The following CADPS variants were observed in gnomAD, a reference collection of about 807,000 sequenced individuals.
The protein encoded by CADPS is calcium dependent secretion activator, also known as calcium-dependent secretion activator 1.
CADPS carries 57 observed loss-of-function variants against 167.3 expected under a neutral mutation model. The ratio of observed to expected loss-of-function variants is 0.34; its 90% CI spans 0.28 to 0.42. The LOEUF is 0.42. CADPS is among the 20% of genes least tolerant of loss of function. CADPS has a pLI of 1.00. For missense variants in CADPS, 1,414 were observed against 1,738.1 expected (o/e 0.81, Z 3.32); for synonymous variants, 676 against 635.3 (o/e 1.06, Z -0.96).
chr3:62,622,574 CAA>C (rs1170041469), intron 6 of CADPS, among the ~76,000 whole-genome samples: 1 of 152,028 alleles, frequency 6.6e-6, no homozygotes, highest in Admixed American at 6.6e-5. Flanking sequence ...CGGAAGGGGC[CAA>C]AGACACATTA....
chr3:62,425,268 G>T (rs938217492), intron 28 of CADPS, among the ~76,000 whole-genome samples: 3 of 152,084 alleles, frequency 2.0e-5, no homozygotes, highest in African/African-American at 7.2e-5. Context: ...TTTGTTATGG[G>T]GGGGCTGTCT....
intron 26 of CADPS, among the ~76,000 whole-genome samples, chr3:62,448,927 CT>C (rs1194109870): frequency 6.6e-6 from 1 of 152,090 alleles, no homozygotes; most frequent in Non-Finnish European, 1.5e-5. Context: ...GGATATTGAA[CT>C]TTAAGAAGGA....
rs146631018 is a variant in CADPS, at chr3:62,609,959, C to T, written c.1326-17211G>A. On this transcript the variant is annotated intron_variant, in intron 6 of 29. Transcript: ENST00000383710. ...TAAAAATTAGCCGGGAGTGGTGGTC[C>T]GTGCCTATAGTCCCAACTACTTGGG... Among the ~76,000 whole-genome samples, 75 of 151,852 alleles carry T rather than the reference C, an allele frequency of 4.9e-4. No individual in the cohort carries two copies. The East Asian group carries it at 0.014, about 28-fold the overall frequency.
chr3:62,418,894 C>T (rs2050745681), intron 28 of CADPS, among the ~76,000 whole-genome samples: 1 of 151,974 alleles, frequency 6.6e-6, no homozygotes. Context: ...TGCGGAATGT[C>T]TAAGAAATTA....
chr3:62,594,230 C>T (rs2086771171), intron 6 of CADPS, among the ~76,000 whole-genome samples: 1 of 146,498 alleles, frequency 6.8e-6, no homozygotes, highest in Non-Finnish European at 1.5e-5. Context: ...GGCGGGATCT[C>T]GGCTCACTGC....
At chr3:62,583,562 C>T (rs890504896) in intron 8 of CADPS, among the ~76,000 whole-genome samples, 15 of 152,114 alleles carry the variant, frequency 9.9e-5, no homozygotes, top group Non-Finnish European at 1.5e-4. Flanking sequence ...CTTTTTCACA[C>T]CCCAGGCAGA....
intron 2 of CADPS, among the ~76,000 whole-genome samples, chr3:62,762,508 T>C (rs1360974823): frequency 1.3e-5 from 2 of 151,800 alleles, no homozygotes; most frequent in African/African-American, 2.4e-5. Flanking sequence ...AATACAAAAA[T>C]TAGTCTGGCA....
chr3:62,576,992 A>T (rs2082416620), intron 8 of CADPS, among the ~76,000 whole-genome samples: 1 of 151,890 alleles, frequency 6.6e-6, no homozygotes, highest in South Asian at 2.1e-4. Flanking sequence ...CATCTCTGTT[A>T]TTCACTGGGG....
Position 62,599,811 on chromosome 3 carries a change from AATATATT to A in CADPS, c.1326-7070_1326-7064del, listed in dbSNP as rs1344986045. Among the ~76,000 whole-genome samples the A allele has an allele frequency of 2.6e-3, 37 of 13,980 alleles. 1 individual carries two copies. Among genetic ancestry groups the A allele is most frequent in the African/African-American group, 9.0e-3 (36 of 4,022 alleles). The allele number at this position is 13,980 out of a possible 152,430, so 9.2% of individuals were successfully genotyped here. A position where few individuals can be genotyped will look rare whatever the true frequency, so the allele number is the denominator to read the frequency against. On this transcript the variant is annotated intron_variant, in intron 6 of 29. Transcript: ENST00000383710. ...ATAATATATATAATATATAATAAAT[AATATATT>A]ATATATTATATATATAATATATTAT... is the stretch of plus-strand genomic sequence containing the variant.
chr3:62,668,884 T>C (rs2074989754), intron 3 of CADPS, among the ~76,000 whole-genome samples: 1 of 152,158 alleles, frequency 6.6e-6, no homozygotes. Flanking sequence ...AGGAATGACC[T>C]ACCCACAGTC....
intron 3 of CADPS, among the ~76,000 whole-genome samples, chr3:62,722,153 A>C (rs951313734): frequency 6.6e-6 from 1 of 152,318 alleles, no homozygotes; most frequent in Non-Finnish European, 1.5e-5. Context: ...GCAGCCTCTG[A>C]ATTTTCACTT....
intron 1 of CADPS, among the ~76,000 whole-genome samples, chr3:62,821,240 T>C (rs2094900899): frequency 1.3e-5 from 2 of 152,198 alleles, no homozygotes; most frequent in Admixed American, 6.5e-5. Flanking sequence ...ACACCACTTA[T>C]TATACTCATA....
intron 1 of CADPS, among the ~76,000 whole-genome samples, chr3:62,871,099 T>A (rs1383982593): frequency 6.6e-6 from 1 of 152,160 alleles, no homozygotes. Flanking sequence ...AAATGTTTTT[T>A]CAGATAGTCT....
At chr3:62,563,225 G>A (rs2079500892) in intron 9 of CADPS, among the ~76,000 whole-genome samples, 1 of 152,136 alleles carries the variant, frequency 6.6e-6, no homozygotes, top group East Asian at 1.9e-4. Flanking sequence ...AAATATAAAT[G>A]TCTTATAGAG....
chr3:62,777,169 G>T (rs952237508), intron 1 of CADPS, among the ~76,000 whole-genome samples: 2 of 152,148 alleles, frequency 1.3e-5, no homozygotes, highest in African/African-American at 4.8e-5. Flanking sequence ...GGTCTTATAA[G>T]GTTTAATAGT....
rs570474067 is a variant in CADPS, at chr3:62,577,715, C to T, written c.1578-6777G>A. 5.3e-5 allele frequency among the ~76,000 whole-genome samples: 8 copies of T among 152,292 alleles called. No individual in the cohort carries two copies. The South Asian group carries it at 1.7e-3, about 32-fold the overall frequency. On this transcript the variant is annotated intron_variant, in intron 8 of 29. Transcript: ENST00000383710. ...TAGCTCACTTAGTCCTCACAACAACCCTACAAGACAAACACTGTTGTTATT... is the reference window on the plus strand; with the variant it reads ...TAGCTCACTTAGTCCTCACAACAACTCTACAAGACAAACACTGTTGTTATT...
chr3:62,442,215 CT>C (rs61098701), intron 27 of CADPS, among the ~76,000 whole-genome samples: 91 of 141,194 alleles, frequency 6.4e-4, no homozygotes, highest in Admixed American at 7.1e-4. Flanking sequence ...TAAACTGACT[CT>C]TTTTTTTTTT....
At chr3:62,769,744 G>C (rs2088035598) in intron 1 of CADPS, among the ~76,000 whole-genome samples, 1 of 152,138 alleles carries the variant, frequency 6.6e-6, no homozygotes, top group Non-Finnish European at 1.5e-5. Flanking sequence ...CAAGTGCTCA[G>C]GGGCAGAATC....
chr3:62,855,464 T>C (rs2079499001), intron 1 of CADPS, among the ~76,000 whole-genome samples: 1 of 152,072 alleles, frequency 6.6e-6, no homozygotes, highest in Non-Finnish European at 1.5e-5. Flanking sequence ...AAGTAAATAT[T>C]AGCCAAAGGA....
Sources: gnomAD v4.1 joint callset for allele counts (sites outside exome capture counted in the v4.1 genomes callset) on GRCh38, gnomAD v4.1.1 for gene constraint, MANE v1.5 for transcripts, NCBI Gene and HGNC (gene_info 2026-07-23, HGNC 2026-07-21) for gene names.